TMEM132D: variants seen among roughly 807,000 people sequenced by gnomAD.
TMEM132D encodes mature OL transmembrane protein.
Under a neutral mutation model 62.3 loss-of-function variants are expected in TMEM132D, and 21 were observed. The ratio of observed to expected loss-of-function variants is 0.34; its 90% CI spans 0.24 to 0.49. The LOEUF is 0.49. TMEM132D is among the 20% of genes least tolerant of loss of function. TMEM132D has a pLI of 0.99. For missense variants in TMEM132D, 1,346 were observed against 1,402.8 expected (o/e 0.96, Z 0.65); for synonymous variants, 621 against 575.6 (o/e 1.08, Z -1.13).
chr12:129,307,559 C>T (rs1169561378), intron 4 of TMEM132D, among the ~76,000 whole-genome samples: 2 of 152,170 alleles, frequency 1.3e-5, no homozygotes, highest in Non-Finnish European at 2.9e-5. Flanking sequence ...TCATCCCTCT[C>T]TTCTCCTGTC....
intron 2 of TMEM132D, among the ~76,000 whole-genome samples, chr12:129,664,493 C>T (rs552673665): frequency 1.2e-4 from 16 of 137,230 alleles, no homozygotes; most frequent in South Asian, 4.6e-4. Flanking sequence ...GGCACAATCT[C>T]GGCTCACTGC....
intron 3 of TMEM132D, among the ~76,000 whole-genome samples, chr12:129,383,926 G>A (rs554225423): frequency 3.3e-5 from 5 of 152,310 alleles, no homozygotes; most frequent in South Asian, 4.1e-4. Flanking sequence ...ATAAGGACCC[G>A]GAATGAGGAA....
intron 5 of TMEM132D, among the ~76,000 whole-genome samples, chr12:129,194,592 G>A (rs1045418793): frequency 3.3e-5 from 5 of 152,056 alleles, no homozygotes; most frequent in Non-Finnish European, 7.4e-5. Flanking sequence ...ACCTTCACGT[G>A]TACCCCCAAA....
At chr12:129,653,019 G>A (rs1267071999) in intron 2 of TMEM132D, among the ~76,000 whole-genome samples, 1 of 152,202 alleles carries the variant, frequency 6.6e-6, no homozygotes, top group African/African-American at 2.4e-5. Flanking sequence ...CTGGTGTTAT[G>A]TTAAAGAATA....
At chr12:129,516,189 G>C (rs1875669226) in intron 3 of TMEM132D, among the ~76,000 whole-genome samples, 1 of 152,142 alleles carries the variant, frequency 6.6e-6, no homozygotes, top group African/African-American at 2.4e-5. Flanking sequence ...CTCAGACCCT[G>C]TGAACCCACA....
At chr12:129,396,016 G>T (rs1871419718) in intron 3 of TMEM132D, among the ~76,000 whole-genome samples, 1 of 145,182 alleles carries the variant, frequency 6.9e-6, no homozygotes, top group Non-Finnish European at 1.5e-5. Context: ...CAGTATATAA[G>T]ATATATATAA....
chr12:129,824,473 C>T (rs1015315002), intron 1 of TMEM132D, among the ~76,000 whole-genome samples: 3 of 152,198 alleles, frequency 2.0e-5, no homozygotes, highest in East Asian at 1.9e-4. Context: ...TTGAAGCCCT[C>T]GCCCCAAGTA....
chr12:129,108,626 T>C (rs560508183), intron 5 of TMEM132D, among the ~76,000 whole-genome samples: 1 of 152,284 alleles, frequency 6.6e-6, no homozygotes, highest in African/African-American at 2.4e-5. Context: ...CTATCTCCTC[T>C]GCCAATTCTG....
At chr12:129,261,977 G>C (rs1485018643) in intron 4 of TMEM132D, among the ~76,000 whole-genome samples, 1 of 152,156 alleles carries the variant, frequency 6.6e-6, no homozygotes, top group Admixed American at 6.5e-5. Context: ...ATAAATCGAT[G>C]ATTCAGGAGA....
chr12:129,605,628 C>CAT (rs1240591921), intron 2 of TMEM132D, among the ~76,000 whole-genome samples: 2 of 110,734 alleles, frequency 1.8e-5, no homozygotes, highest in African/African-American at 6.8e-5. Flanking sequence ...TATATACACA[C>CAT]ACACACACAC....
chr12:129,140,422 T>G (rs1184145945), intron 5 of TMEM132D, among the ~76,000 whole-genome samples: 2 of 152,134 alleles, frequency 1.3e-5, no homozygotes, highest in Admixed American at 1.3e-4. Flanking sequence ...CCCTCCCCAA[T>G]CCCTGACCAC....
rs186465455 is a variant in TMEM132D at position 129,721,064 on chromosome 12, A to T, written c.80-20366T>A. ...CAGAGAAGTCCCCTGAGGACATGGC[A>T]TTTGAGCCGGACATTGGCATTCAGT... is the stretch of plus-strand genomic sequence containing the variant. On this transcript the variant is annotated intron_variant, in intron 1 of 8. Coordinates refer to ENST00000422113, the MANE Select transcript of TMEM132D (RefSeq NM_133448.3). 6.2e-3 allele frequency among the ~76,000 whole-genome samples: 949 copies of T among 152,332 alleles called. 9 individuals carry two copies. The highest frequency in any genetic ancestry group is 0.02 in the African/African-American group (841 of 41,582).
At chr12:129,721,385 A>G (rs1473276466) in intron 1 of TMEM132D, among the ~76,000 whole-genome samples, 9 of 152,164 alleles carry the variant, frequency 5.9e-5, no homozygotes, top group South Asian at 2.1e-4. Flanking sequence ...GGATGCCTTA[A>G]CGGGGTCTTT....
chr12:129,530,991 A>AAAG (rs1876201618), intron 3 of TMEM132D, 68 bp downstream of exon 3: 1 of 846,218 alleles, frequency 1.2e-6, no homozygotes, highest in African/African-American at 4.5e-5. Context: ...GCAATCTAGG[A>AAAG]AAAAAAAAAA....
intron 2 of TMEM132D, chr12:129,698,178 G>A (rs1881251762): frequency 6.6e-6 from 1 of 152,042 alleles, no homozygotes; most frequent in African/African-American, 2.4e-5. Context: ...CACAAAGCTA[G>A]CAGACCTCAT....
chr12:129,328,209 T>C (rs2135648867), intron 4 of TMEM132D, among the ~76,000 whole-genome samples: 1 of 152,386 alleles, frequency 6.6e-6, no homozygotes, highest in Non-Finnish European at 1.5e-5. Flanking sequence ...TCCAAGCATG[T>C]ATTAATTCTG....
chr12:129,839,806 T>C (rs573235854), intron 1 of TMEM132D: 1 of 152,310 alleles, frequency 6.6e-6, no homozygotes, highest in South Asian at 2.1e-4. Flanking sequence ...AAGGAACCAC[T>C]GGGTGCTGTG....
At chr12:129,452,069 C>T (rs1189243663) in intron 3 of TMEM132D, among the ~76,000 whole-genome samples, 1 of 152,130 alleles carries the variant, frequency 6.6e-6, no homozygotes, top group Non-Finnish European at 1.5e-5. Context: ...TATTTCTAAG[C>T]CTTGGTGAAT....
intron 1 of TMEM132D, among the ~76,000 whole-genome samples, chr12:129,832,802 T>TCCTG (rs1219803892): frequency 1.3e-5 from 2 of 152,202 alleles, no homozygotes; most frequent in African/African-American, 4.8e-5. Flanking sequence ...CTTTTCTGAA[T>TCCTG]CCTGGGGGAG....
Sources: gnomAD v4.1 joint callset for allele counts (sites outside exome capture counted in the v4.1 genomes callset) on GRCh38, gnomAD v4.1.1 for gene constraint, MANE v1.5 for transcripts, NCBI Gene and HGNC (gene_info 2026-07-23, HGNC 2026-07-21) for gene names.